Variants in SLIT3 observed in about 807,000 individuals in gnomAD.
SLIT3 encodes slit homolog 3 protein.
Under a neutral mutation model 184.0 loss-of-function variants are expected in SLIT3, and 68 were observed. The observed-to-expected ratio is 0.37, with a 90% CI of 0.30 to 0.45. The LOEUF (loss-of-function observed/expected upper bound fraction) is 0.45. Ranked by LOEUF, SLIT3 falls within the 20% of genes least tolerant of loss-of-function variation. The pLI is 1.00. For synonymous variants in SLIT3, 831 were observed against 828.6 expected (o/e 1.00, Z -0.05); for missense variants, 1,707 against 2,026.0 (o/e 0.84, Z 3.02).
chr5:169,097,945 G>A (rs1048237807), intron 4 of SLIT3, among the ~76,000 whole-genome samples: 2 of 152,274 alleles, frequency 1.3e-5, no homozygotes, highest in Middle Eastern at 3.4e-3. Context: ...GAACCCCCAG[G>A]GAGCCTGAAG....
rs547841666 is a variant in SLIT3, at chr5:169,281,653, G to A, written c.197+18860C>T. On this transcript the variant is annotated intron_variant, in intron 1 of 35. Transcript: ENST00000519560. ...ATTATGTGAGCCAATAGCATTAGTC[G>A]TTATTACTGTTACTATTAACTTCTC... is the stretch of plus-strand genomic sequence containing the variant. Among the ~76,000 whole-genome samples, 80 of 152,208 alleles carry A rather than the reference G, an allele frequency of 5.3e-4. No homozygotes were observed. In the South Asian group the frequency reaches 8.7e-3, roughly 17 times the overall value.
chr5:168,749,252 C>T (rs1754611712), intron 19 of SLIT3, among the ~76,000 whole-genome samples: 1 of 152,222 alleles, frequency 6.6e-6, no homozygotes, highest in Admixed American at 6.5e-5. Context: ...AGATTTCTAA[C>T]TGATGGAAGT....
At chr5:168,723,129 A>T in intron 21 of SLIT3, 125 bp from the exon 22 acceptor site, 2 of 693,092 alleles carry the variant, frequency 2.9e-6, no homozygotes, top group Non-Finnish European at 5.3e-6. Flanking sequence ...CCACCCACCT[A>T]TTCATTAATT....
intron 4 of SLIT3, among the ~76,000 whole-genome samples, chr5:169,155,306 C>A (rs962556589): frequency 1.3e-5 from 2 of 152,222 alleles, no homozygotes; most frequent in Non-Finnish European, 1.5e-5. Flanking sequence ...ACTGTTCCAA[C>A]CACCGTCAAC....
chr5:168,834,772 C>T (rs1324012659), intron 6 of SLIT3, among the ~76,000 whole-genome samples: 1 of 134,908 alleles, frequency 7.4e-6, no homozygotes, highest in East Asian at 2.5e-4. Context: ...CAAAGATTTA[C>T]TGCTAGAAAA....
intron 4 of SLIT3, among the ~76,000 whole-genome samples, chr5:169,073,941 C>A (rs1056992019): frequency 6.6e-6 from 1 of 152,142 alleles, no homozygotes; most frequent in African/African-American, 2.4e-5. Flanking sequence ...TGTGCTTTCC[C>A]AGACTCTCTT....
chr5:168,855,498 C>A (rs568671893), intron 5 of SLIT3, among the ~76,000 whole-genome samples: 1 of 152,100 alleles, frequency 6.6e-6, no homozygotes, highest in Non-Finnish European at 1.5e-5. Context: ...AGTGGATACA[C>A]GAATTGTGGT....
chr5:169,080,101 G>A (rs1057128340), intron 4 of SLIT3, among the ~76,000 whole-genome samples: 2 of 152,062 alleles, frequency 1.3e-5, no homozygotes, highest in African/African-American at 4.8e-5. Flanking sequence ...GTATAGCTAA[G>A]GAGCAGGTAG....
In SLIT3 at chr5:169,300,224, C is replaced by T. The variant is rs1394692092; in HGVS notation, c.197+289G>A. ...GCTGCAGTGCTCTTGCCTCCCCTCG[C>T]CTCTCCTCAGCTACTCCTTGGAAGC... is the stretch of plus-strand genomic sequence containing the variant. On this transcript the variant is annotated intron_variant, in intron 1 of 35. Coordinates refer to ENST00000519560, the MANE Select transcript of SLIT3 (RefSeq NM_003062.4). This position sits in a 1 kb window ranked among gnomAD's most constrained non-coding sequence, Gnocchi z 4.1. 6.6e-6 allele frequency among the ~76,000 whole-genome samples: 1 copy of T among 152,216 alleles called. No homozygotes were observed. Among genetic ancestry groups the T allele is most frequent in the African/African-American group, 2.4e-5 (1 of 41,458 alleles).
At chr5:168,980,409 C>G (rs191202835) in intron 4 of SLIT3, among the ~76,000 whole-genome samples, 1 of 152,136 alleles carries the variant, frequency 6.6e-6, no homozygotes, top group Non-Finnish European at 1.5e-5. Flanking sequence ...GTCCCAAAAC[C>G]GTCCTACGAA....
chr5:168,850,933 C>G (rs992813789), intron 5 of SLIT3, among the ~76,000 whole-genome samples: 1 of 152,170 alleles, frequency 6.6e-6, no homozygotes, highest in Non-Finnish European at 1.5e-5. Flanking sequence ...ATCAATAACT[C>G]CACTTCTGTG....
At chr5:168,964,936 C>T (rs1014264805) in intron 4 of SLIT3, among the ~76,000 whole-genome samples, 5 of 152,288 alleles carry the variant, frequency 3.3e-5, no homozygotes, top group East Asian at 1.9e-4. Flanking sequence ...TGTCCAAAAG[C>T]AGTCTGCAGG....
chr5:168,679,682 G>C (rs973945800), intron 32 of SLIT3, among the ~76,000 whole-genome samples: 1 of 152,178 alleles, frequency 6.6e-6, no homozygotes, highest in East Asian at 1.9e-4. Context: ...CTGGGATTTC[G>C]GGTAGGCAGC....
intron 4 of SLIT3, among the ~76,000 whole-genome samples, chr5:169,002,544 C>T (rs940586003): frequency 2.6e-5 from 4 of 151,908 alleles, no homozygotes; most frequent in African/African-American, 9.7e-5. Flanking sequence ...GTGATGGCCA[C>T]AGGGAGCCAT....
chr5:168,919,212 A>T (rs988469667), intron 4 of SLIT3, among the ~76,000 whole-genome samples: 2 of 151,130 alleles, frequency 1.3e-5, no homozygotes, highest in Admixed American at 6.6e-5. Context: ...GTGAGCCGAG[A>T]TCGCGCCACT....
intron 1 of SLIT3, chr5:169,263,778 C>A: frequency 2.1e-6 from 1 of 471,088 alleles, no homozygotes; most frequent in Non-Finnish European, 4.2e-6. Flanking sequence ...GGATCATTTA[C>A]CCTCTCTCTG....
At chr5:169,045,910 G>A (rs1757607157) in intron 4 of SLIT3, among the ~76,000 whole-genome samples, 1 of 152,220 alleles carries the variant, frequency 6.6e-6, no homozygotes, top group East Asian at 1.9e-4. Flanking sequence ...CTTAGACGCA[G>A]TAACTGACTG....
chr5:168,801,325 T>C (rs1006559688), intron 9 of SLIT3, among the ~76,000 whole-genome samples: 1 of 152,246 alleles, frequency 6.6e-6, no homozygotes, highest in African/African-American at 2.4e-5. Flanking sequence ...TTTTTAATTC[T>C]GTGTGTCTTT....
intron 4 of SLIT3, among the ~76,000 whole-genome samples, chr5:169,047,531 CTGGAGA>C (rs1561630111): frequency 1.4e-4 from 21 of 150,962 alleles, no homozygotes; most frequent in African/African-American, 3.9e-4. Context: ...ACCCTTCCAT[CTGGAGA>C]CCTAGATGGA....
Sources: gnomAD v4.1 joint callset for allele counts (sites outside exome capture counted in the v4.1 genomes callset) on GRCh38, gnomAD v4.1.1 for gene constraint, Gnocchi (gnomAD v3.1) non-coding constraint, MANE v1.5 for transcripts, NCBI Gene and HGNC (gene_info 2026-07-23, HGNC 2026-07-21) for gene names.